Variants in DZANK1 observed in about 807,000 individuals in gnomAD.
The protein encoded by DZANK1 is double zinc ribbon and ankyrin repeat domains 1.
A neutral mutation model predicts 94.5 loss-of-function variants in DZANK1; 91 were observed. The observed-to-expected ratio is 0.96, with a 90% confidence interval of 0.81 to 1.15. The LOEUF (loss-of-function observed/expected upper bound fraction) is 1.15. DZANK1 is among the 50% of genes most tolerant of loss of function. The pLI is 0.00. For synonymous variants in DZANK1, 312 were observed against 325.3 expected (o/e 0.96, Z 0.44); for missense variants, 903 against 916.4 (o/e 0.99, Z 0.19).
intron 7 of DZANK1, among the ~76,000 whole-genome samples, chr20:18,446,426 T>C (rs2058884099): frequency 6.6e-6 from 1 of 152,168 alleles, no homozygotes; most frequent in African/African-American, 2.4e-5. Context: ...ACAAGGATAA[T>C]TAGAAACTGT....
intron 8 of DZANK1, among the ~76,000 whole-genome samples, chr20:18,434,545 CAAA>C (rs55680576): frequency 4.2e-3 from 202 of 47,556 alleles, no homozygotes; most frequent in Admixed American, 0.033. Context: ...GACTCCTGCT[CAAA>C]AAAAAAAAAA....
chr20:18,388,568 T>C (rs1003423276), intron 19 of DZANK1, among the ~76,000 whole-genome samples: 4 of 152,174 alleles, frequency 2.6e-5, no homozygotes, highest in Non-Finnish European at 1.5e-5. Flanking sequence ...TATAAAAATA[T>C]AAAATATGCC....
intron 9 of DZANK1, 138 bp downstream of exon 9, chr20:18,433,514 C>A: frequency 2.8e-6 from 2 of 703,066 alleles, no homozygotes; most frequent in Middle Eastern, 3.8e-4. Flanking sequence ...TGCACTCCAG[C>A]CTGTGTGACA....
rs191573154 is a variant in DZANK1 at position 18,443,161 on chromosome 20, C to T, written c.747+186G>A. The stretch of plus-strand genomic sequence containing the variant: ...AAGCCCGTGCTTCTGGCAGGCCACA[C>T]AAAAGACACAGCATTGCAAGTAAGT... On this transcript the variant is annotated intron_variant, in intron 8 of 20. Transcript: ENST00000262547. Among the ~76,000 whole-genome samples the T allele has an allele frequency of 1.3e-3, 204 of 152,248 alleles. 2 individuals are homozygous for T. The highest frequency in any genetic ancestry group is 4.5e-3 in the African/African-American group (187 of 41,544).
intron 10 of DZANK1, among the ~76,000 whole-genome samples, chr20:18,421,937 T>C (rs2057800856): frequency 6.6e-6 from 1 of 152,186 alleles, no homozygotes; most frequent in African/African-American, 2.4e-5. Flanking sequence ...GTTGTTTGAG[T>C]TCCTTATATG....
chr20:18,406,084 G>C (rs568866936), intron 13 of DZANK1, among the ~76,000 whole-genome samples: 1 of 152,308 alleles, frequency 6.6e-6, no homozygotes, highest in East Asian at 1.9e-4. Context: ...TGGCCGAGGT[G>C]CTCTGGGATC....
At position 18,457,436 on chromosome 20, in the gene DZANK1, C is replaced by T. The variant is rs145721112; in HGVS notation, c.264-2075G>A. ...AGGTTGCAGTGACCCAAGATCACAC[C>T]ACTACACTCCAGTCTGGGTGACACA... On this transcript the variant is annotated intron_variant, in intron 3 of 20. Transcript: ENST00000262547. 3.7e-3 allele frequency among the ~76,000 whole-genome samples: 567 copies of T among 152,226 alleles called. 7 individuals are homozygous for T. In the South Asian group the frequency reaches 0.04, roughly 11 times the overall value.
chr20:18,434,402 G>A (rs1230069047), intron 8 of DZANK1, among the ~76,000 whole-genome samples: 2 of 151,876 alleles, frequency 1.3e-5, no homozygotes, highest in Admixed American at 1.3e-4. Flanking sequence ...AAAATTAGCT[G>A]GGCGTAGTGG....
chr20:18,456,578 C>T (rs147705540), intron 3 of DZANK1, among the ~76,000 whole-genome samples: 1 of 152,176 alleles, frequency 6.6e-6, no homozygotes, highest in African/African-American at 2.4e-5. Context: ...TGCAGTCACT[C>T]CTATCCAACC....
At chr20:18,413,015 T>C in intron 12 of DZANK1, 162 bp from the exon 13 acceptor site, 2 of 684,544 alleles carry the variant, frequency 2.9e-6, no homozygotes, top group Non-Finnish European at 4.8e-6. Flanking sequence ...TCCTTGCTCC[T>C]GTCTTTCTCA....
intron 13 of DZANK1, among the ~76,000 whole-genome samples, chr20:18,402,395 G>A (rs568597622): frequency 1.7e-4 from 26 of 152,086 alleles, no homozygotes; most frequent in Non-Finnish European, 3.1e-4. Flanking sequence ...GAAGAAAAAT[G>A]GCAGAGTTTA....
intron 17 of DZANK1, among the ~76,000 whole-genome samples, chr20:18,393,469 CAG>C (rs2056138108): frequency 6.6e-6 from 1 of 152,134 alleles, no homozygotes; most frequent in African/African-American, 2.4e-5. Context: ...GATAGGCAGA[CAG>C]AACTGACCCC....
chr20:18,462,380 G>A (rs2059500552), intron 2 of DZANK1, among the ~76,000 whole-genome samples: 1 of 152,104 alleles, frequency 6.6e-6, no homozygotes, highest in Admixed American at 6.5e-5. Context: ...AAGGGGCAGA[G>A]AGAAGCGTAA....
At chr20:18,420,111 C>T (rs6132058) in intron 10 of DZANK1, 57,424 of 158,354 alleles carry the variant, frequency 0.36, 11,286 homozygotes, top group Middle Eastern at 0.49. Flanking sequence ...AATGAGATAG[C>T]GGGCATTTTG....
At chr20:18,414,177 G>A (rs899050322) in intron 12 of DZANK1, among the ~76,000 whole-genome samples, 171 bp downstream of exon 12, 2 of 152,240 alleles carry the variant, frequency 1.3e-5, no homozygotes, top group Non-Finnish European at 2.9e-5. Context: ...CCTTGCAAAT[G>A]CAATTAAAAT....
intron 8 of DZANK1, among the ~76,000 whole-genome samples, chr20:18,436,088 T>TTACATGC (rs1387911091): frequency 1.3e-5 from 2 of 152,276 alleles, no homozygotes; most frequent in Non-Finnish European, 2.9e-5. Flanking sequence ...CTGAGTGCCT[T>TTACATGC]TACATGCTGG....
At chr20:18,409,862 G>C (rs1276847036) in intron 13 of DZANK1, among the ~76,000 whole-genome samples, 1 of 152,034 alleles carries the variant, frequency 6.6e-6, no homozygotes, top group Non-Finnish European at 1.5e-5. Context: ...GAGGTCAGGC[G>C]ATCGAGACTA....
chr20:18,428,614 A>T (rs544545476), intron 9 of DZANK1: 1 of 152,396 alleles, frequency 6.6e-6, no homozygotes, highest in South Asian at 2.1e-4. Flanking sequence ...ACGTTTAGTT[A>T]CTGACCACTA....
chr20:18,447,784 A>G (rs1335345188), intron 7 of DZANK1, among the ~76,000 whole-genome samples: 1 of 152,230 alleles, frequency 6.6e-6, no homozygotes, highest in Non-Finnish European at 1.5e-5. Context: ...ATCTCATTAG[A>G]ATGATCAAAA....
Sources: gnomAD v4.1 joint callset for allele counts (sites outside exome capture counted in the v4.1 genomes callset) on GRCh38, gnomAD v4.1.1 for gene constraint, MANE v1.5 for transcripts, NCBI Gene and HGNC (gene_info 2026-07-23, HGNC 2026-07-21) for gene names.